TMEFF1: variants seen among roughly 807,000 people sequenced by gnomAD.
TMEFF1 encodes the protein transmembrane protein with EGF like and two follistatin like domains 1, also known as tomoregulin-1.
Under a neutral mutation model 47.5 loss-of-function variants are expected in TMEFF1, and 20 were observed. The ratio of observed to expected loss-of-function variants is 0.42; its 90% CI spans 0.30 to 0.61. TMEFF1 has a LOEUF of 0.61. Among genes scored for constraint, TMEFF1 ranks in the 20% least tolerant of loss-of-function variants. The pLI, the probability that TMEFF1 is intolerant of heterozygous loss-of-function variation, is 0.19. For missense variants in TMEFF1, 411 were observed against 471.1 expected (o/e 0.87, Z 1.18); for synonymous variants, 162 against 166.3 (o/e 0.97, Z 0.20).
chr9:100,521,473 C>T (rs1250496622), intron 5 of TMEFF1, among the ~76,000 whole-genome samples: 1 of 152,234 alleles, frequency 6.6e-6, no homozygotes, highest in Non-Finnish European at 1.5e-5. Context: ...AGACTTCCTA[C>T]TGGGTCTTAA....
chr9:100,490,836 G>GGTATGT (rs1554682717), intron 1 of TMEFF1, among the ~76,000 whole-genome samples: 1 of 136,088 alleles, frequency 7.3e-6, no homozygotes, highest in Admixed American at 7.4e-5. Flanking sequence ...TTATATGTAT[G>GGTATGT]GTGTGTGTGT....
intron 2 of TMEFF1, among the ~76,000 whole-genome samples, chr9:100,505,564 G>A (rs1441095559): frequency 6.6e-6 from 1 of 152,008 alleles, no homozygotes; most frequent in Non-Finnish European, 1.5e-5. Context: ...TAGTATTAAG[G>A]AAAGTCTTGT....
intron 5 of TMEFF1, among the ~76,000 whole-genome samples, chr9:100,522,556 C>T (rs1250826722): frequency 6.7e-6 from 1 of 149,868 alleles, no homozygotes; most frequent in African/African-American, 2.5e-5. Context: ...TCTGCCTCAG[C>T]CTCCCAAGGA....
intron 5 of TMEFF1, among the ~76,000 whole-genome samples, chr9:100,529,720 A>G (rs1173407729): frequency 6.6e-6 from 1 of 152,152 alleles, no homozygotes; most frequent in Non-Finnish European, 1.5e-5. Context: ...CAGGAATTGA[A>G]CTCAGCTCTG....
intron 5 of TMEFF1, among the ~76,000 whole-genome samples, chr9:100,517,130 A>G (rs910363751): frequency 5.3e-5 from 8 of 152,230 alleles, no homozygotes; most frequent in Non-Finnish European, 1.5e-5. Context: ...CCAATTTCCC[A>G]TTCATTCCCT....
chr9:100,475,754 T>C (rs1837213987), intron 1 of TMEFF1, among the ~76,000 whole-genome samples: 1 of 146,982 alleles, frequency 6.8e-6, no homozygotes, highest in African/African-American at 2.5e-5. Context: ...TGTGTGTGTG[T>C]GTTCTTTGGG....
chr9:100,541,435 G>A (rs117506472), intron 5 of TMEFF1, among the ~76,000 whole-genome samples: 6,346 of 145,894 alleles, frequency 0.043, 307 homozygotes, highest in South Asian at 0.22. Flanking sequence ...GTGCAGTGGC[G>A]CTATCTTGGC....
chr9:100,538,351 C>T (rs764424374), intron 5 of TMEFF1, among the ~76,000 whole-genome samples: 2 of 152,160 alleles, frequency 1.3e-5, no homozygotes, highest in African/African-American at 4.8e-5. Flanking sequence ...CCTCTGTGCC[C>T]GGCCAGAAAC....
At chr9:100,554,308 A>G (rs867053246) in intron 7 of TMEFF1, among the ~76,000 whole-genome samples, 1 of 152,204 alleles carries the variant, frequency 6.6e-6, no homozygotes, top group African/African-American at 2.4e-5. Flanking sequence ...GCTAAGATCA[A>G]TGAAGGAAAT....
chr9:100,514,411 A>G (rs751516055), intron 4 of TMEFF1, among the ~76,000 whole-genome samples: 27 of 152,114 alleles, frequency 1.8e-4, no homozygotes, highest in Non-Finnish European at 3.7e-4. Context: ...GAAGGATCAG[A>G]TAATAAATTC....
chr9:100,555,796 G>T (rs1173880631), intron 7 of TMEFF1, among the ~76,000 whole-genome samples: 2 of 152,154 alleles, frequency 1.3e-5, no homozygotes, highest in African/African-American at 4.8e-5. Context: ...GACATCAGTA[G>T]GATATTCTTT....
chr9:100,537,165 A>G (rs968655573), intron 5 of TMEFF1, among the ~76,000 whole-genome samples: 6 of 152,210 alleles, frequency 3.9e-5, no homozygotes, highest in Admixed American at 1.3e-4. Context: ...GTATGTGTCT[A>G]AAGTTTGATG....
At chr9:100,543,745 A>ACG (rs1306949803) in intron 5 of TMEFF1, among the ~76,000 whole-genome samples, 1 of 151,676 alleles carries the variant, frequency 6.6e-6, no homozygotes, top group Admixed American at 6.6e-5. Flanking sequence ...ACACACACAC[A>ACG]CAAATCTCAT....
chr9:100,493,117 C>A (rs941260662), intron 1 of TMEFF1, among the ~76,000 whole-genome samples: 10 of 151,828 alleles, frequency 6.6e-5, no homozygotes, highest in Non-Finnish European at 4.4e-5. Flanking sequence ...TATGTCCAGA[C>A]AATTTTGGTT....
chr9:100,549,304 T>G (rs1055056350), intron 6 of TMEFF1, among the ~76,000 whole-genome samples: 2 of 152,090 alleles, frequency 1.3e-5, no homozygotes, highest in African/African-American at 4.8e-5. Flanking sequence ...CAACTAGGTC[T>G]TGTGAGAACT....
intron 7 of TMEFF1, among the ~76,000 whole-genome samples, chr9:100,554,147 G>C (rs1447661134): frequency 6.6e-6 from 1 of 152,124 alleles, no homozygotes; most frequent in Non-Finnish European, 1.5e-5. Context: ...TCCTCCTGCA[G>C]CTGGCCAGGG....
intron 5 of TMEFF1, 69 bp downstream of exon 5, chr9:100,516,840 AG>A: frequency 6.5e-7 from 1 of 1,542,232 alleles, no homozygotes; most frequent in Non-Finnish European, 8.7e-7. Context: ...TATTGTGGAA[AG>A]GTATCATTTA....
rs190810068 is a variant in TMEFF1, at chr9:100,548,646, C to T, written c.709+754C>T. ...TTTCTTGCTTACTGGTTCCCTTCTT[C>T]CTCCCTTTTTAGACTTATTAAAGGG... On this transcript the variant is annotated intron_variant, in intron 6 of 9. Coordinates refer to ENST00000374879, the MANE Select transcript of TMEFF1 (RefSeq NM_003692.5). Among the ~76,000 whole-genome samples, 497 of 152,288 alleles carry T rather than the reference C, an allele frequency of 3.3e-3. 3 individuals carry two copies. The highest frequency in any genetic ancestry group is 7.7e-3 in the Admixed American group (118 of 15,298).
intron 3 of TMEFF1, among the ~76,000 whole-genome samples, chr9:100,509,568 T>C (rs903936164): frequency 6.6e-6 from 1 of 151,998 alleles, no homozygotes; most frequent in African/African-American, 2.4e-5. Flanking sequence ...GGTCAGGAGA[T>C]TGAGACCATC....
Sources: allele counts gnomAD v4.1 joint callset (sites outside exome capture counted in the v4.1 genomes callset), GRCh38; gene constraint gnomAD v4.1.1; transcripts MANE v1.5; gene names NCBI Gene and HGNC (gene_info 2026-07-23, HGNC 2026-07-21).